Variants in ABTB2 observed in about 807,000 individuals in gnomAD.
ABTB2 encodes ankyrin repeat and BTB domain containing 2, also known as ankyrin repeat and BTB/POZ domain-containing protein 2.
A neutral mutation model predicts 104.1 loss-of-function variants in ABTB2; 56 were observed. That is an observed-to-expected ratio of 0.54 (90% CI 0.43 to 0.67). The LOEUF is 0.67. Ranked by LOEUF, ABTB2 falls within the 30% of genes least tolerant of loss-of-function variation. The probability of loss-of-function intolerance (pLI) is 0.00; values close to 1 mark genes in which losing one functional copy is unlikely to be tolerated. For missense variants in ABTB2, 1,279 were observed against 1,407.7 expected (o/e 0.91, Z 1.46); for synonymous variants, 606 against 608.2 (o/e 1.00, Z 0.05).
At chr11:34,215,042 C>T (rs1441491202) in intron 1 of ABTB2, among the ~76,000 whole-genome samples, 3 of 152,188 alleles carry the variant, frequency 2.0e-5, no homozygotes, top group East Asian at 3.9e-4. Flanking sequence ...GTGGTGGTGA[C>T]TCAGGCACTG....
At chr11:34,176,645 A>AAAAC (rs538683914) in intron 3 of ABTB2, among the ~76,000 whole-genome samples, 13 of 152,236 alleles carry the variant, frequency 8.5e-5, no homozygotes, top group East Asian at 1.9e-4. Flanking sequence ...GTGTCTCAAG[A>AAAAC]AAACAAACAA....
chr11:34,257,724 G>T (rs1333545209), intron 1 of ABTB2, among the ~76,000 whole-genome samples: 3 of 152,090 alleles, frequency 2.0e-5, no homozygotes, highest in African/African-American at 7.2e-5. Flanking sequence ...AGTAGCTGGG[G>T]CTACAGGCGT....
chr11:34,190,876 TGAG>T (rs1327563972), intron 3 of ABTB2, among the ~76,000 whole-genome samples: 6 of 152,296 alleles, frequency 3.9e-5, no homozygotes, highest in East Asian at 1.9e-4. Context: ...GCCATTATAA[TGAG>T]GAGGAGACAC....
chr11:34,189,234 T>C (rs2133030553), intron 3 of ABTB2: 1 of 152,336 alleles, frequency 6.6e-6, no homozygotes, highest in African/African-American at 2.4e-5. Context: ...CAGATTTCCT[T>C]GTTCCTTCGC....
At chr11:34,260,986 G>A (rs192692376) in intron 1 of ABTB2, among the ~76,000 whole-genome samples, 124 of 152,250 alleles carry the variant, frequency 8.1e-4, no homozygotes, top group African/African-American at 2.8e-3. Context: ...AGCTGGGTGT[G>A]CTGGTGGGTG....
intron 1 of ABTB2, among the ~76,000 whole-genome samples, chr11:34,302,874 G>A (rs1854723987): frequency 6.6e-6 from 1 of 152,162 alleles, no homozygotes; most frequent in East Asian, 1.9e-4. Flanking sequence ...GGAGTCTGGG[G>A]CTGCAAAGTC....
At chr11:34,329,922 A>C (rs1035176744) in intron 1 of ABTB2, among the ~76,000 whole-genome samples, 2 of 152,212 alleles carry the variant, frequency 1.3e-5, no homozygotes, top group African/African-American at 4.8e-5. Context: ...CTTAGCTTTA[A>C]ATTACTTAGG....
chr11:34,320,881 C>T (rs962969700), intron 1 of ABTB2, among the ~76,000 whole-genome samples: 1 of 152,166 alleles, frequency 6.6e-6, no homozygotes, highest in African/African-American at 2.4e-5. Context: ...TTACTTTGCG[C>T]CATTTAAAGA....
At chr11:34,319,493 C>T (rs1450317536) in intron 1 of ABTB2, among the ~76,000 whole-genome samples, 1 of 152,138 alleles carries the variant, frequency 6.6e-6, no homozygotes, top group Non-Finnish European at 1.5e-5. Context: ...CAACATACAC[C>T]AAGTATATGC....
intron 1 of ABTB2, among the ~76,000 whole-genome samples, chr11:34,246,277 G>A (rs912859380): frequency 1.3e-5 from 2 of 152,184 alleles, no homozygotes; most frequent in Admixed American, 6.5e-5. Flanking sequence ...TCCAAACTTC[G>A]ATACAAGGGC....
chr11:34,339,782 G>A (rs970345373), intron 1 of ABTB2, among the ~76,000 whole-genome samples: 2 of 152,162 alleles, frequency 1.3e-5, no homozygotes, highest in South Asian at 4.1e-4. Flanking sequence ...TTCATCACTA[G>A]TGGCAGATTT....
chr11:34,270,379 GCCCAGGCTGGAGTGCAGTGT>G (rs1854300118), intron 1 of ABTB2, among the ~76,000 whole-genome samples: 1 of 135,452 alleles, frequency 7.4e-6, no homozygotes, highest in East Asian at 2.1e-4. Flanking sequence ...TCATTCTGTT[GCCCAGGCTGGAGTGCAGTGT>G]CACGATCTCG....
intron 1 of ABTB2, among the ~76,000 whole-genome samples, chr11:34,338,158 A>C (rs1388403066): frequency 2.0e-5 from 3 of 152,076 alleles, no homozygotes; most frequent in African/African-American, 7.2e-5. Context: ...AGGAGGGTGG[A>C]TCACCTGAGA....
chr11:34,357,218 G>C lies in ABTB2; in HGVS notation c.366C>G (p.Ala122=), dbSNP rs1052980305. ...AGGRRLPQFS[A]EAVRRLAGLL... ...GCCCGGCCAGGCGCCTCACCGCCTCGGCGGAGAACTGGGGCAGCCGCCGGC... is the reference window on the plus strand; with the variant it reads ...GCCCGGCCAGGCGCCTCACCGCCTCCGCGGAGAACTGGGGCAGCCGCCGGC... The change falls in exon 1 of 17, where the codon GCC becomes GCG. Residue 122 remains alanine, a synonymous_variant. Coordinates refer to ENST00000435224, the MANE Select transcript of ABTB2 (RefSeq NM_145804.3). 1.5e-5 allele frequency: 23 copies of C among 1,510,198 alleles called. No homozygotes were observed. The highest frequency in any genetic ancestry group is 6.5e-5 in the Admixed American group (3 of 46,340). The allele number at this position is 1,510,198 out of a possible 1,614,324, so 93.5% of individuals were successfully genotyped here. A position where few individuals can be genotyped will look rare whatever the true frequency, so the allele number is the denominator to read the frequency against.
chr11:34,184,769 A>G (rs1196835568), intron 3 of ABTB2, among the ~76,000 whole-genome samples: 1 of 152,240 alleles, frequency 6.6e-6, no homozygotes, highest in Non-Finnish European at 1.5e-5. Context: ...CTCATTGGGA[A>G]GCAGCTCCCA....
At position 34,235,829 on chromosome 11, in the gene ABTB2, A is replaced by C. The variant is rs142732663; in HGVS notation, c.884-31139T>G. Among the ~76,000 whole-genome samples the C allele has an allele frequency of 2.2e-3, 331 of 152,330 alleles. 1 individual carries two copies. The highest frequency in any genetic ancestry group is 3.1e-3 in the Non-Finnish European group (211 of 68,034). ...CAGGAGGTCAGCGCTAGCTAAGTGA[A>C]CACTCTTTGTGCCCCAGGTAAGGAG... On this transcript the variant is annotated intron_variant, in intron 1 of 16. Transcript: ENST00000435224.
intron 3 of ABTB2, among the ~76,000 whole-genome samples, chr11:34,188,430 C>T (rs536173266): frequency 9.2e-5 from 14 of 152,192 alleles, no homozygotes; most frequent in South Asian, 2.1e-4. Context: ...ACAAAAAGAG[C>T]GTACAGTGAG....
chr11:34,264,411 A>T (rs1447687785), intron 1 of ABTB2, among the ~76,000 whole-genome samples: 1 of 152,238 alleles, frequency 6.6e-6, no homozygotes, highest in South Asian at 2.1e-4. Context: ...GCCATAACAC[A>T]GAGGAAGCAA....
At chr11:34,219,324 A>G (rs1306966140) in intron 1 of ABTB2, among the ~76,000 whole-genome samples, 1 of 152,042 alleles carries the variant, frequency 6.6e-6, no homozygotes, top group African/African-American at 2.4e-5. Flanking sequence ...AGACCAAGCC[A>G]GGAGGATTGC....
Sources: gnomAD v4.1 joint callset for allele counts (sites outside exome capture counted in the v4.1 genomes callset) on GRCh38, gnomAD v4.1.1 for gene constraint, MANE v1.5 for transcripts, NCBI Gene and HGNC (gene_info 2026-07-23, HGNC 2026-07-21) for gene names.